The following CDH13 variants were observed in gnomAD, a reference collection of about 807,000 sequenced individuals.
The protein encoded by CDH13 is cadherin-13.
Under a neutral mutation model 63.8 loss-of-function variants are expected in CDH13, and 24 were observed. The ratio of observed to expected loss-of-function variants is 0.38; its 90% confidence interval spans 0.27 to 0.53. The LOEUF (loss-of-function observed/expected upper bound fraction) is 0.53, where lower values mean the gene tolerates loss of function less well. CDH13 is among the 20% of genes least tolerant of loss of function. The pLI is 0.85. For synonymous variants in CDH13, 503 were observed against 355.3 expected, an observed-to-expected ratio of 1.42 and a Z score of -4.67; for missense variants, 1,049 against 903.1, an observed-to-expected ratio of 1.16 and a Z score of -2.07.
At chr16:82,901,188 T>A (rs1331566477) in intron 2 of CDH13, among the ~76,000 whole-genome samples, 1 of 152,164 alleles carries the variant, frequency 6.6e-6, no homozygotes, top group Non-Finnish European at 1.5e-5. Context: ...TTTGACCTTC[T>A]GCTGACACTG....
chr16:82,642,872 A>G (rs1226946472), intron 1 of CDH13, among the ~76,000 whole-genome samples: 1 of 152,226 alleles, frequency 6.6e-6, no homozygotes, highest in East Asian at 1.9e-4. Flanking sequence ...GGGAAACTTC[A>G]GGAGAACTTA....
intron 4 of CDH13, among the ~76,000 whole-genome samples, chr16:83,189,250 T>C (rs564227243): frequency 1.1e-4 from 17 of 152,306 alleles, no homozygotes; most frequent in African/African-American, 3.8e-4. Flanking sequence ...TCCCAGACCC[T>C]CAGCTGCAAG....
intron 7 of CDH13, among the ~76,000 whole-genome samples, chr16:83,507,328 A>T (rs1363252761): frequency 2.0e-5 from 3 of 152,206 alleles, no homozygotes; most frequent in Non-Finnish European, 4.4e-5. Context: ...TATTGTTATT[A>T]ATAGAGGCTC....
chr16:83,672,479 C>T (rs986130270), intron 9 of CDH13, among the ~76,000 whole-genome samples: 43 of 114,390 alleles, frequency 3.8e-4, no homozygotes, highest in Non-Finnish European at 5.9e-4. Flanking sequence ...GGCTGGAGTG[C>T]AGTGGCCTGA....
intron 1 of CDH13, among the ~76,000 whole-genome samples, chr16:82,671,148 C>T (rs1275827029): frequency 6.6e-6 from 1 of 152,158 alleles, no homozygotes; most frequent in East Asian, 1.9e-4. Context: ...CTGTGCAGTG[C>T]TACAGCTAAC....
rs1156756606 is a variant in CDH13 at position 83,797,454 on chromosome 16, A to C, written c.*2424A>C. The C allele has an allele frequency of 6.6e-6, 1 of 152,246 alleles. No individual in the cohort carries two copies. Among genetic ancestry groups the C allele is most frequent in the Non-Finnish European group, 1.5e-5 (1 of 68,038 alleles). The allele number at this position is 152,246 out of a possible 1,614,324, so 9.4% of individuals were successfully genotyped here. ...TATGCCTCAACTTTCCCTTATTTAA[A>C]CATATTCTCTGTCCCCACAGTTCTA... On this transcript the variant is annotated 3_prime_UTR_variant, in exon 14 of 14. Transcript: ENST00000567109.
chr16:83,034,151 A>G (rs1567765863), intron 3 of CDH13, among the ~76,000 whole-genome samples: 1 of 152,132 alleles, frequency 6.6e-6, no homozygotes, highest in African/African-American at 2.4e-5. Flanking sequence ...TAAGTGGCTC[A>G]TGTGCCACCC....
At chr16:83,466,530 A>G (rs538214362) in intron 6 of CDH13, among the ~76,000 whole-genome samples, 2 of 152,354 alleles carry the variant, frequency 1.3e-5, no homozygotes, top group African/African-American at 4.8e-5. Flanking sequence ...CATGCAATTT[A>G]TATAACATTT....
At chr16:82,678,937 G>A (rs1235941026) in intron 1 of CDH13, among the ~76,000 whole-genome samples, 1 of 152,194 alleles carries the variant, frequency 6.6e-6, no homozygotes, top group East Asian at 1.9e-4. Context: ...CCAGGAGATA[G>A]GACAGAAGGA....
At chr16:83,331,596 A>G (rs1054290674) in intron 5 of CDH13, among the ~76,000 whole-genome samples, 4 of 152,242 alleles carry the variant, frequency 2.6e-5, no homozygotes, top group Admixed American at 1.3e-4. Flanking sequence ...AAATTAACAC[A>G]TGCCTAGAAA....
At chr16:82,724,558 G>GATGC (rs140877005) in intron 1 of CDH13, among the ~76,000 whole-genome samples, 2 of 152,276 alleles carry the variant, frequency 1.3e-5, no homozygotes, top group Non-Finnish European at 2.9e-5. Context: ...CATTTATTGG[G>GATGC]ATGCCCTCAA....
chr16:83,102,429 T>C (rs1334957345), intron 3 of CDH13, among the ~76,000 whole-genome samples: 1 of 152,176 alleles, frequency 6.6e-6, no homozygotes, highest in Non-Finnish European at 1.5e-5. Flanking sequence ...GGGTCTGGTG[T>C]GCTCCAGGAT....
chr16:83,373,439 A>C (rs903167776), intron 6 of CDH13, among the ~76,000 whole-genome samples: 1 of 152,174 alleles, frequency 6.6e-6, no homozygotes, highest in Admixed American at 6.5e-5. Context: ...TCTGGATAGC[A>C]TGAGAAGCTT....
At chr16:83,361,394 C>T (rs2091158374) in intron 6 of CDH13, among the ~76,000 whole-genome samples, 1 of 152,174 alleles carries the variant, frequency 6.6e-6, no homozygotes, top group Non-Finnish European at 1.5e-5. Context: ...TCCATTTACT[C>T]TGTTGATAGT....
chr16:83,630,803 G>A (rs1227526694), intron 8 of CDH13, among the ~76,000 whole-genome samples: 1 of 152,108 alleles, frequency 6.6e-6, no homozygotes, highest in Non-Finnish European at 1.5e-5. Context: ...TTCCTTGCAG[G>A]CAAATTGTGA....
intron 2 of CDH13, among the ~76,000 whole-genome samples, chr16:83,006,932 G>GTT (rs369288331): frequency 0.12 from 14,926 of 121,646 alleles, 1,165 homozygotes; most frequent in East Asian, 0.2. Flanking sequence ...TTGTTTGTTT[G>GTT]TTTTTTTTGA....
At chr16:82,795,408 A>G (rs566833480) in intron 1 of CDH13, among the ~76,000 whole-genome samples, 7 of 152,310 alleles carry the variant, frequency 4.6e-5, no homozygotes, top group East Asian at 1.9e-4. Context: ...CAGTCAGCCA[A>G]TGCATCAACC....
At chr16:83,397,168 C>G (rs562363722) in intron 6 of CDH13, among the ~76,000 whole-genome samples, 2 of 152,288 alleles carry the variant, frequency 1.3e-5, no homozygotes, top group East Asian at 3.9e-4. Context: ...GGACACACCT[C>G]TCTCACCAAG....
intron 4 of CDH13, among the ~76,000 whole-genome samples, chr16:83,176,180 A>G (rs1046065804): frequency 3.3e-5 from 5 of 151,514 alleles, no homozygotes; most frequent in Non-Finnish European, 5.9e-5. Flanking sequence ...ATATGCTTCA[A>G]CACATTTCCA....
Sources: allele counts gnomAD v4.1 joint callset (sites outside exome capture counted in the v4.1 genomes callset), GRCh38; gene constraint gnomAD v4.1.1; transcripts MANE v1.5; gene names NCBI Gene and HGNC (gene_info 2026-07-23, HGNC 2026-07-21).